Variants in PTPRK observed in about 807,000 individuals in gnomAD.
PTPRK encodes the protein protein tyrosine phosphatase receptor type K.
A neutral mutation model predicts 178.0 loss-of-function variants in PTPRK; 75 were observed. That is an observed-to-expected ratio of 0.42 (90% CI 0.35 to 0.51). The LOEUF (loss-of-function observed/expected upper bound fraction) is 0.51, where lower values mean the gene tolerates loss of function less well. Ranked by LOEUF, PTPRK falls within the 20% of genes least tolerant of loss-of-function variation. PTPRK has a pLI of 0.02. For missense variants in PTPRK, 1,441 were observed against 1,797.8 expected (o/e 0.80, Z 3.59); for synonymous variants, 637 against 620.6 (o/e 1.03, Z -0.39).
chr6:128,060,429 TG>T (rs1388763990), intron 13 of PTPRK, among the ~76,000 whole-genome samples: 3 of 152,188 alleles, frequency 2.0e-5, no homozygotes, highest in Non-Finnish European at 4.4e-5. Flanking sequence ...TATAATGTCC[TG>T]TATCCCGAAT....
intron 21 of PTPRK, 86 bp from the exon 22 acceptor site, chr6:127,985,961 A>C: frequency 7.7e-7 from 1 of 1,300,170 alleles, no homozygotes; most frequent in South Asian, 1.7e-5. Flanking sequence ...GTACAGACCC[A>C]ACTGACAATG....
At chr6:128,054,171 T>C (rs1044291967) in intron 13 of PTPRK, among the ~76,000 whole-genome samples, 4 of 152,238 alleles carry the variant, frequency 2.6e-5, no homozygotes, top group Non-Finnish European at 4.4e-5. Context: ...AGAAAACTTT[T>C]ATTCTTTAGA....
Position 128,390,826 on chromosome 6 carries a change from C to T in PTPRK, c.223+6740G>A, listed in dbSNP as rs1299054265. ...AAGATTAGAAGATACATGTCATGTC[C>T]CTGGTATAGTAAAACTCAGTAAGTG... On this transcript the variant is annotated intron_variant, in intron 2 of 29. Transcript: ENST00000368226. Among the ~76,000 whole-genome samples the T allele has an allele frequency of 3.3e-5, 5 of 152,064 alleles. No homozygotes were observed. The East Asian group carries it at 9.6e-4, about 29-fold the overall frequency.
At chr6:128,094,300 T>C (rs144425523) in intron 7 of PTPRK, among the ~76,000 whole-genome samples, 1 of 152,268 alleles carries the variant, frequency 6.6e-6, no homozygotes, top group Admixed American at 6.5e-5. Flanking sequence ...GCTGTGTCAA[T>C]TGTGGAGACA....
intron 2 of PTPRK, among the ~76,000 whole-genome samples, chr6:128,379,067 G>A (rs1837503910): frequency 6.6e-6 from 1 of 152,032 alleles, no homozygotes; most frequent in Non-Finnish European, 1.5e-5. Flanking sequence ...TTTGCCACTT[G>A]CCTCATCTTC....
chr6:127,976,796 G>A lies in PTPRK; in HGVS notation c.3844-14C>T, dbSNP rs372786057. Reference sequence around the variant, plus strand: ...CTGAGGGCAGCCCTAAATGATGAACGTTTTGAAAGAAAAAAAAAAAGAGTA... The same window carrying A: ...CTGAGGGCAGCCCTAAATGATGAACATTTTGAAAGAAAAAAAAAAAGAGTA... On this transcript the variant is annotated splice_polypyrimidine_tract_variant and intron_variant, in intron 26 of 29. Coordinates refer to ENST00000368226, the MANE Select transcript of PTPRK (RefSeq NM_002844.4). 5.4e-5 allele frequency: 86 copies of A among 1,586,752 alleles called. No individual in the cohort carries two copies. Among genetic ancestry groups the A allele is most frequent in the Admixed American group, 2.2e-4 (12 of 53,452 alleles).
chr6:128,178,184 T>C (rs1467675433), intron 7 of PTPRK, among the ~76,000 whole-genome samples: 1 of 151,882 alleles, frequency 6.6e-6, no homozygotes, highest in African/African-American at 2.4e-5. Context: ...ATCCCTCTCT[T>C]CTTTGGATTA....
chr6:128,295,504 C>G (rs1824179155), intron 3 of PTPRK, among the ~76,000 whole-genome samples: 2 of 152,010 alleles, frequency 1.3e-5, no homozygotes, highest in Non-Finnish European at 2.9e-5. Flanking sequence ...TCTACTAACA[C>G]CTGGTCAAAG....
At chr6:128,085,202 T>G (rs1785540793) in intron 8 of PTPRK, 1 of 152,206 alleles carries the variant, frequency 6.6e-6, no homozygotes, top group Non-Finnish European at 1.5e-5. Context: ...TTCAAGCCAT[T>G]GTCAGCCGAA....
chr6:128,243,294 A>T (rs1446497913), intron 3 of PTPRK, among the ~76,000 whole-genome samples: 1 of 151,962 alleles, frequency 6.6e-6, no homozygotes, highest in Admixed American at 6.6e-5. Context: ...TCTAGATTTA[A>T]ATATAAGCTC....
chr6:128,142,716 C>T (rs1293166233), intron 7 of PTPRK, among the ~76,000 whole-genome samples: 1 of 151,786 alleles, frequency 6.6e-6, no homozygotes. Context: ...ACCAGTAAGT[C>T]TTACATTTCA....
At chr6:128,132,418 C>A (rs1406429683) in intron 7 of PTPRK, among the ~76,000 whole-genome samples, 11 of 152,172 alleles carry the variant, frequency 7.2e-5, no homozygotes, top group African/African-American at 2.7e-4. Flanking sequence ...GTGATCCGCC[C>A]GCCTCGGCCT....
intron 3 of PTPRK, among the ~76,000 whole-genome samples, chr6:128,284,954 T>C (rs1369217116): frequency 6.6e-6 from 1 of 152,136 alleles, no homozygotes; most frequent in African/African-American, 2.4e-5. Flanking sequence ...ATACCTTAAG[T>C]CTCAAGTTAT....
chr6:128,300,738 T>A (rs1377017925), intron 3 of PTPRK, among the ~76,000 whole-genome samples: 23 of 151,342 alleles, frequency 1.5e-4, no homozygotes, highest in Non-Finnish European at 5.9e-5. Flanking sequence ...GACGGATAGC[T>A]TTAGGAGATA....
intron 13 of PTPRK, among the ~76,000 whole-genome samples, chr6:128,050,691 C>G (rs1469279236): frequency 2.0e-5 from 3 of 152,184 alleles, no homozygotes; most frequent in Non-Finnish European, 4.4e-5. Context: ...AACTATTACA[C>G]TAAGCATTTT....
intron 2 of PTPRK, among the ~76,000 whole-genome samples, chr6:128,391,157 C>A (rs1391950059): frequency 6.6e-6 from 1 of 152,038 alleles, no homozygotes; most frequent in Non-Finnish European, 1.5e-5. Flanking sequence ...AAAAAAAAAT[C>A]TGAAAATCAT....
intron 13 of PTPRK, among the ~76,000 whole-genome samples, chr6:128,014,039 G>A (rs1779336237): frequency 6.6e-6 from 1 of 151,438 alleles, no homozygotes; most frequent in African/African-American, 2.4e-5. Context: ...ACCTAAAAAG[G>A]AGCAACAGAA....
At chr6:128,421,836 T>C (rs536731338) in intron 1 of PTPRK, among the ~76,000 whole-genome samples, 103 of 152,368 alleles carry the variant, frequency 6.8e-4, no homozygotes, top group African/African-American at 2.2e-3. Flanking sequence ...AAAATCCTTC[T>C]GGTGTAAAAA....
intron 7 of PTPRK, among the ~76,000 whole-genome samples, chr6:128,093,617 AAAAAAACGAAAAAACAAAAAAAC>A (rs1787399565): frequency 6.7e-6 from 1 of 148,786 alleles, no homozygotes; most frequent in Non-Finnish European, 1.5e-5. Flanking sequence ...AAAAAAAAAA[AAAAAAACGAAAAAACAAAAAAAC>A]AAAACAAAAC....
Sources: allele counts gnomAD v4.1 joint callset (sites outside exome capture counted in the v4.1 genomes callset), GRCh38; gene constraint gnomAD v4.1.1; transcripts MANE v1.5; gene names NCBI Gene and HGNC (gene_info 2026-07-23, HGNC 2026-07-21).